CEP85L: variants seen among roughly 807,000 people sequenced by gnomAD.
CEP85L encodes the protein centrosomal protein 85L.
CEP85L carries 60 observed loss-of-function variants against 100.3 expected under a neutral mutation model. The ratio of observed to expected loss-of-function variants is 0.60; its 90% CI spans 0.49 to 0.74. The LOEUF (loss-of-function observed/expected upper bound fraction) is 0.74, where lower values mean the gene tolerates loss of function less well. Ranked by LOEUF, CEP85L falls within the 30% of genes least tolerant of loss-of-function variation. CEP85L has a pLI of 0.00. For missense variants in CEP85L, 973 were observed against 936.2 expected (o/e 1.04, Z -0.51); for synonymous variants, 319 against 322.7 (o/e 0.99, Z 0.12).
intron 2 of CEP85L, among the ~76,000 whole-genome samples, chr6:118,589,849 T>C (rs2115114903): frequency 6.6e-6 from 1 of 152,354 alleles, no homozygotes; most frequent in Non-Finnish European, 1.5e-5. Flanking sequence ...CAGTGTGCCA[T>C]CCTGTTAGAT....
At chr6:118,672,849 G>GGAA (rs536067524) in intron 1 of CEP85L, among the ~76,000 whole-genome samples, 1 of 151,474 alleles carries the variant, frequency 6.6e-6, no homozygotes, top group African/African-American at 2.4e-5. Flanking sequence ...AAGAGGAGGA[G>GGAA]GAAGAAGAAG....
At chr6:118,564,655 T>C (rs1346049520) in intron 3 of CEP85L, among the ~76,000 whole-genome samples, 2 of 152,334 alleles carry the variant, frequency 1.3e-5, no homozygotes, top group East Asian at 3.9e-4. Flanking sequence ...TCATAGCCTA[T>C]GTTCATTTAT....
At chr6:118,582,315 A>T (rs1780621427) in intron 2 of CEP85L, among the ~76,000 whole-genome samples, 1 of 152,336 alleles carries the variant, frequency 6.6e-6, no homozygotes, top group African/African-American at 2.4e-5. Context: ...GATGACTCCG[A>T]TAAGTATATA....
intron 9 of CEP85L, among the ~76,000 whole-genome samples, 198 bp from the exon 10 acceptor site, chr6:118,480,119 T>A (rs1773670410): frequency 6.6e-6 from 1 of 152,122 alleles, no homozygotes; most frequent in Non-Finnish European, 1.5e-5. Flanking sequence ...CAATAAAAGT[T>A]TTCTCAAATT....
At chr6:118,536,664 C>T (rs542482041) in intron 3 of CEP85L, among the ~76,000 whole-genome samples, 1 of 152,178 alleles carries the variant, frequency 6.6e-6, no homozygotes, top group Admixed American at 6.6e-5. Context: ...TCCACATCTG[C>T]AACTAGCCAT....
intron 2 of CEP85L, among the ~76,000 whole-genome samples, chr6:118,623,332 G>A (rs1188638940): frequency 6.6e-6 from 1 of 152,230 alleles, no homozygotes; most frequent in Admixed American, 6.5e-5. Context: ...GTTGGTCTAT[G>A]TTGATACCTT....
intron 3 of CEP85L, among the ~76,000 whole-genome samples, chr6:118,524,614 T>TAA (rs1335531130): frequency 6.6e-6 from 1 of 152,172 alleles, no homozygotes. Flanking sequence ...CACAAGAAAA[T>TAA]AAAAGCAGTA....
At chr6:118,568,025 A>G (rs1779652776) in intron 2 of CEP85L, among the ~76,000 whole-genome samples, 1 of 152,212 alleles carries the variant, frequency 6.6e-6, no homozygotes, top group African/African-American at 2.4e-5. Context: ...CCCTGAAACT[A>G]TGATGCAGAC....
At chr6:118,648,301 TA>T (rs1448222694) in intron 1 of CEP85L, among the ~76,000 whole-genome samples, 1 of 152,150 alleles carries the variant, frequency 6.6e-6, no homozygotes, top group Non-Finnish European at 1.5e-5. Flanking sequence ...TTATAACAGT[TA>T]CTCCAAAAAG....
chr6:118,498,764 T>C (rs1368677749), intron 5 of CEP85L, among the ~76,000 whole-genome samples: 1 of 152,152 alleles, frequency 6.6e-6, no homozygotes, highest in African/African-American at 2.4e-5. Context: ...CATCAATCAA[T>C]TAACTGTAAC....
At chr6:118,471,034 G>A (rs1011310558) in intron 10 of CEP85L, among the ~76,000 whole-genome samples, 3 of 151,914 alleles carry the variant, frequency 2.0e-5, no homozygotes, top group Admixed American at 6.6e-5. Context: ...TTTACATTTT[G>A]CTTACAGTTA....
intron 3 of CEP85L, among the ~76,000 whole-genome samples, chr6:118,529,282 T>C (rs1225633831): frequency 1.3e-5 from 2 of 152,182 alleles, no homozygotes; most frequent in East Asian, 1.9e-4. Flanking sequence ...AGTGTTTTTA[T>C]ATGTATCACA....
At chr6:118,613,752 T>G (rs1271851714) in intron 2 of CEP85L, among the ~76,000 whole-genome samples, 1 of 2,718 alleles carries the variant, frequency 3.7e-4, no homozygotes, top group Non-Finnish European at 6.8e-4. Flanking sequence ...AGCAAATCTG[T>G]GTCTCAAAAA....
chr6:118,490,350 C>T (rs376653382), intron 6 of CEP85L, among the ~76,000 whole-genome samples: 51 of 152,196 alleles, frequency 3.4e-4, no homozygotes, highest in African/African-American at 6.7e-4. Context: ...CTTTCTACAA[C>T]GAAAAGAGAA....
chr6:118,569,305 G>A lies in CEP85L; in HGVS notation c.233-2989C>T, dbSNP rs915236409. ...TGCAGTAAGCAGAGATTGTGCCACT[G>A]TACTCCAGCCTGGGTGACAAGGCTA... On this transcript the variant is annotated intron_variant, in intron 2 of 12. Coordinates refer to ENST00000368491, the MANE Select transcript of CEP85L (RefSeq NM_001042475.3). Among the ~76,000 whole-genome samples the A allele has an allele frequency of 2.5e-5, 3 of 119,108 alleles. No individual in the cohort carries two copies. In the Admixed American group the frequency reaches 3.6e-4, roughly 14 times the overall value. The allele number at this position is 119,108 out of a possible 152,430, so 78.1% of individuals were successfully genotyped here.
At chr6:118,706,118 G>C (rs571429755) in intron 1 of CEP85L, among the ~76,000 whole-genome samples, 1 of 152,150 alleles carries the variant, frequency 6.6e-6, no homozygotes, top group Non-Finnish European at 1.5e-5. Context: ...GGAAGGGCTC[G>C]TATCCAGCAT....
intron 1 of CEP85L, among the ~76,000 whole-genome samples, chr6:118,698,421 G>C (rs1191852429): frequency 1.3e-5 from 2 of 152,028 alleles, no homozygotes; most frequent in Non-Finnish European, 1.5e-5. Context: ...GGTTCCTTTA[G>C]AGCAACTTAT....
chr6:118,637,262 A>C (rs1200003097), intron 1 of CEP85L, among the ~76,000 whole-genome samples: 1 of 152,214 alleles, frequency 6.6e-6, no homozygotes, highest in East Asian at 1.9e-4. Context: ...AGAGCAGTAC[A>C]TACATACTTA....
chr6:118,477,204 A>G (rs1773448590), intron 10 of CEP85L, among the ~76,000 whole-genome samples: 2 of 152,188 alleles, frequency 1.3e-5, no homozygotes, highest in Non-Finnish European at 2.9e-5. Context: ...CAAGGTATTC[A>G]TGCCAGTTAA....
Sources: allele counts gnomAD v4.1 joint callset (sites outside exome capture counted in the v4.1 genomes callset), GRCh38; gene constraint gnomAD v4.1.1; transcripts MANE v1.5; gene names NCBI Gene and HGNC (gene_info 2026-07-23, HGNC 2026-07-21).